Variants in EIF3H observed in about 807,000 individuals in gnomAD.
EIF3H encodes the protein eIF-3-gamma.
In EIF3H, 26 loss-of-function variants were observed where a neutral mutation model predicts 44.2. The ratio of observed to expected loss-of-function variants is 0.59; its 90% CI spans 0.43 to 0.82. The LOEUF is 0.82. Among genes scored for constraint, EIF3H ranks in the 40% least tolerant of loss-of-function variants. The probability of loss-of-function intolerance (pLI) is 0.00; values close to 1 mark genes in which losing one functional copy is unlikely to be tolerated. For synonymous variants in EIF3H, 166 were observed against 151.9 expected (o/e 1.09, Z -0.68); for missense variants, 359 against 432.8 (o/e 0.83, Z 1.51).
chr8:116,645,263 T>C (rs1184173255), intron 7 of EIF3H, among the ~76,000 whole-genome samples, 160 bp from the exon 8 acceptor site: 1 of 152,222 alleles, frequency 6.6e-6, no homozygotes, highest in Non-Finnish European at 1.5e-5. Context: ...TACAAGTTCT[T>C]TTGAAAATAA....
At chr8:116,756,254 T>C (rs1815448111), upstream of EIF3H, among the ~76,000 whole-genome samples, 1 of 152,238 alleles carries the variant, frequency 6.6e-6, no homozygotes, top group Admixed American at 6.5e-5. Context: ...CAGCTTGTTT[T>C]ACGTAATTTT....
chr8:116,751,609 C>T (rs560319032), intron 1 of EIF3H, among the ~76,000 whole-genome samples: 42 of 152,240 alleles, frequency 2.8e-4, no homozygotes, highest in Middle Eastern at 3.4e-3. Flanking sequence ...CAAATAGTGA[C>T]GTCAAACAGG....
At chr8:116,738,066 C>T (rs1586486257) in intron 1 of EIF3H, among the ~76,000 whole-genome samples, 1 of 149,452 alleles carries the variant, frequency 6.7e-6, no homozygotes, top group Non-Finnish European at 1.5e-5. Context: ...ATGGTATGGA[C>T]GGACATACTT....
At position 116,646,652 on chromosome 8, in the gene EIF3H, G is replaced by T. The variant is rs774532592; in HGVS notation, c.829-49C>A. On this transcript the variant is annotated intron_variant, in intron 6 of 7. Transcript: ENST00000521861. ...TTGGTTATTTTTCTCCATCTGAGGA[G>T]GAAAAAAAGATGTCCTTCCCCTACA... 3.8e-6 allele frequency: 6 copies of T among 1,594,628 alleles called. No homozygotes were observed. In the African/African-American group the frequency reaches 6.8e-5, roughly 18 times the overall value.
At chr8:116,751,104 TG>T (rs1307433022) in intron 1 of EIF3H, among the ~76,000 whole-genome samples, 3 of 151,114 alleles carry the variant, frequency 2.0e-5, no homozygotes, top group Admixed American at 1.3e-4. Context: ...CCCAGCTACT[TG>T]GGAGGCTGAG....
chr8:116,732,431 T>C (rs1433479264), intron 1 of EIF3H, among the ~76,000 whole-genome samples: 1 of 152,156 alleles, frequency 6.6e-6, no homozygotes, highest in African/African-American at 2.4e-5. Context: ...AAGGGAAAGA[T>C]TTAACAGAAT....
At chr8:116,663,804 G>A (rs967927451) in intron 2 of EIF3H, among the ~76,000 whole-genome samples, 2 of 151,798 alleles carry the variant, frequency 1.3e-5, no homozygotes, top group Non-Finnish European at 2.9e-5. Context: ...GGTGGCAGGC[G>A]CCTGTAATCC....
intron 2 of EIF3H, among the ~76,000 whole-genome samples, chr8:116,668,262 T>C (rs1281303554): frequency 6.6e-6 from 1 of 152,194 alleles, no homozygotes; most frequent in African/African-American, 2.4e-5. Context: ...AAAACATCTA[T>C]AAATGCCAGT....
intron 2 of EIF3H, among the ~76,000 whole-genome samples, chr8:116,662,203 A>C (rs1813595909): frequency 6.6e-6 from 1 of 152,238 alleles, no homozygotes; most frequent in African/African-American, 2.4e-5. Context: ...AATCTATGTA[A>C]AGTGAAGGAG....
At chr8:116,703,976 C>A (rs1814426991) in intron 2 of EIF3H, among the ~76,000 whole-genome samples, 1 of 152,172 alleles carries the variant, frequency 6.6e-6, no homozygotes, top group Non-Finnish European at 1.5e-5. Context: ...AGGCAGCACT[C>A]GTGGTTCTTA....
At chr8:116,695,475 T>C (rs994364430) in intron 2 of EIF3H, among the ~76,000 whole-genome samples, 3 of 152,112 alleles carry the variant, frequency 2.0e-5, no homozygotes, top group African/African-American at 7.2e-5. Context: ...CAGAGCAGTG[T>C]TGCAGCCCAA....
At chr8:116,657,128 C>G (rs1222199298) in intron 4 of EIF3H, 87 bp downstream of exon 4, 1 of 1,190,178 alleles carries the variant, frequency 8.4e-7, no homozygotes, top group African/African-American at 1.5e-5. Context: ...CATTACCACA[C>G]CACAACCAAG....
intron 2 of EIF3H, among the ~76,000 whole-genome samples, chr8:116,716,200 A>G (rs372711966): frequency 2.5e-4 from 38 of 152,214 alleles, no homozygotes; most frequent in East Asian, 1.5e-3. Context: ...AAAAGATACT[A>G]GAGTCAGAAA....
intron 2 of EIF3H, among the ~76,000 whole-genome samples, chr8:116,688,257 C>A (rs1445016402): frequency 2.6e-5 from 4 of 152,086 alleles, no homozygotes; most frequent in African/African-American, 9.7e-5. Flanking sequence ...GGTATTCAGA[C>A]CTTAGATAAG....
chr8:116,730,064 C>G (rs1258311231), intron 1 of EIF3H, among the ~76,000 whole-genome samples: 1 of 152,194 alleles, frequency 6.6e-6, no homozygotes, highest in African/African-American at 2.4e-5. Flanking sequence ...TAAGCTAGCT[C>G]ATTCTTCATT....
chr8:116,656,386 T>C (rs1292858098), intron 4 of EIF3H, among the ~76,000 whole-genome samples: 6 of 152,204 alleles, frequency 3.9e-5, no homozygotes, highest in African/African-American at 7.2e-5. Flanking sequence ...ACTCTATTTC[T>C]TGAAAAGTTC....
At chr8:116,649,078 T>C in intron 5 of EIF3H, 152 bp from the exon 6 acceptor site, 2 of 597,180 alleles carry the variant, frequency 3.3e-6, no homozygotes, top group Non-Finnish European at 5.3e-6. Flanking sequence ...GGAAAAAATC[T>C]GAGTCAACTT....
At chr8:116,700,072 T>C (rs1375637861) in intron 2 of EIF3H, among the ~76,000 whole-genome samples, 1 of 152,176 alleles carries the variant, frequency 6.6e-6, no homozygotes, top group African/African-American at 2.4e-5. Context: ...TCCCAAAGTG[T>C]TGGGATTACA....
intron 1 of EIF3H, among the ~76,000 whole-genome samples, chr8:116,726,593 C>T (rs1303991966): frequency 6.6e-6 from 1 of 152,178 alleles, no homozygotes; most frequent in Non-Finnish European, 1.5e-5. Context: ...TATCGGGACA[C>T]CTGAAAGCAG....
Sources: allele counts gnomAD v4.1 joint callset (sites outside exome capture counted in the v4.1 genomes callset), GRCh38; gene constraint gnomAD v4.1.1; transcripts MANE v1.5; gene names NCBI Gene and HGNC (gene_info 2026-07-23, HGNC 2026-07-21).